The following TTLL5 variants were observed in gnomAD, a reference collection of about 807,000 sequenced individuals.
TTLL5 encodes the protein tubulin tyrosine ligase like 5, also known as tubulin polyglutamylase TTLL5.
TTLL5 carries 132 observed loss-of-function variants against 168.4 expected under a neutral mutation model. The ratio of observed to expected loss-of-function variants is 0.78; its 90% confidence interval spans 0.68 to 0.91. The LOEUF is 0.91. Among genes scored for constraint, TTLL5 ranks in the 40% least tolerant of loss-of-function variants. The pLI is 0.00. For synonymous variants in TTLL5, 546 were observed against 558.6 expected (o/e 0.98, Z 0.32); for missense variants, 1,545 against 1,581.5 (o/e 0.98, Z 0.39).
At chr14:75,771,613 T>G in intron 20 of TTLL5, 121 bp from the exon 21 acceptor site, 1 of 1,404,274 alleles carries the variant, frequency 7.1e-7, no homozygotes, top group South Asian at 1.4e-5. Flanking sequence ...TAAGATGGGT[T>G]TCATATTTCT....
intron 17 of TTLL5, among the ~76,000 whole-genome samples, chr14:75,745,837 T>A (rs994126436): frequency 6.6e-6 from 1 of 152,164 alleles, no homozygotes; most frequent in African/African-American, 2.4e-5. Flanking sequence ...GTCCTAAACT[T>A]TGTGTTTATC....
chr14:75,715,819 T>G (rs1445826878), intron 9 of TTLL5, among the ~76,000 whole-genome samples: 1 of 152,020 alleles, frequency 6.6e-6, no homozygotes, highest in Admixed American at 6.6e-5. Flanking sequence ...TTTTTTTTTT[T>G]TAGATGTGCA....
intron 30 of TTLL5, among the ~76,000 whole-genome samples, chr14:75,890,673 C>T (rs904491422): frequency 6.6e-6 from 1 of 152,122 alleles, no homozygotes; most frequent in African/African-American, 2.4e-5. Context: ...TTTTAAAAAT[C>T]GTCTCCAAAA....
intron 31 of TTLL5, among the ~76,000 whole-genome samples, chr14:75,902,812 G>T (rs2032981186): frequency 1.3e-5 from 2 of 152,150 alleles, no homozygotes; most frequent in African/African-American, 2.4e-5. Context: ...TAATAAAAAT[G>T]AACTATTAAG....
intron 9 of TTLL5, among the ~76,000 whole-genome samples, chr14:75,713,364 C>A (rs1293769797): frequency 6.6e-6 from 1 of 152,186 alleles, no homozygotes; most frequent in Non-Finnish European, 1.5e-5. Context: ...AGCCTACAAG[C>A]AAGAAGCTGT....
chr14:75,758,759 A>G (rs1201186514), intron 18 of TTLL5, among the ~76,000 whole-genome samples: 1 of 152,188 alleles, frequency 6.6e-6, no homozygotes, highest in Non-Finnish European at 1.5e-5. Flanking sequence ...ATCTTCACAT[A>G]TTTGGGAATT....
At chr14:75,873,776 C>A (rs2031238461) in intron 29 of TTLL5, among the ~76,000 whole-genome samples, 1 of 151,960 alleles carries the variant, frequency 6.6e-6, no homozygotes, top group Non-Finnish European at 1.5e-5. Context: ...CATCAATGAA[C>A]ACGGATGTAC....
At chr14:75,936,753 C>T (rs547771415) in intron 31 of TTLL5, among the ~76,000 whole-genome samples, 1 of 152,184 alleles carries the variant, frequency 6.6e-6, no homozygotes, top group African/African-American at 2.4e-5. Context: ...TTTGCATCAA[C>T]TTTTGTGATC....
intron 28 of TTLL5, among the ~76,000 whole-genome samples, chr14:75,862,021 T>C (rs1378056299): frequency 6.6e-6 from 1 of 152,182 alleles, no homozygotes; most frequent in Non-Finnish European, 1.5e-5. Context: ...ATTCCCTAAT[T>C]CCATAGCCCT....
intron 6 of TTLL5, among the ~76,000 whole-genome samples, chr14:75,690,535 A>C (rs1003137827): frequency 6.6e-6 from 1 of 152,138 alleles, no homozygotes; most frequent in African/African-American, 2.4e-5. Flanking sequence ...GTAAGGGCAC[A>C]CTGGCATCAT....
intron 28 of TTLL5, among the ~76,000 whole-genome samples, chr14:75,834,635 A>G (rs758486405): frequency 5.9e-5 from 9 of 152,170 alleles, no homozygotes; most frequent in Non-Finnish European, 1.2e-4. Context: ...CCGGACTTCT[A>G]CCTGGGCAGT....
At chr14:75,817,199 C>T (rs998235780) in intron 27 of TTLL5, among the ~76,000 whole-genome samples, 9 of 151,488 alleles carry the variant, frequency 5.9e-5, no homozygotes, top group Admixed American at 3.3e-4. Flanking sequence ...AGGATGGTCT[C>T]GATGTCTTGA....
chr14:75,871,515 C>T (rs539763296), intron 29 of TTLL5, among the ~76,000 whole-genome samples: 2 of 151,852 alleles, frequency 1.3e-5, no homozygotes, highest in Non-Finnish European at 2.9e-5. Flanking sequence ...ATAAGGCATT[C>T]CAGCATTATT....
At chr14:75,935,851 C>G (rs2034418838) in intron 31 of TTLL5, among the ~76,000 whole-genome samples, 1 of 152,094 alleles carries the variant, frequency 6.6e-6, no homozygotes, top group Admixed American at 6.5e-5. Flanking sequence ...ACCCAAGAGT[C>G]TAGGGTAGAA....
chr14:75,810,823 T>C (rs1200202918), intron 27 of TTLL5, among the ~76,000 whole-genome samples: 4 of 152,208 alleles, frequency 2.6e-5, no homozygotes, highest in African/African-American at 9.7e-5. Flanking sequence ...AATATACACA[T>C]TGTGTGCACA....
At chr14:75,756,064 G>A (rs1324751530) in intron 18 of TTLL5, among the ~76,000 whole-genome samples, 2 of 132,322 alleles carry the variant, frequency 1.5e-5, no homozygotes, top group Middle Eastern at 5.6e-3. Context: ...AGTCATGATT[G>A]CAAATTACTG....
Position 75,775,607 on chromosome 14 carries a change from G to C in TTLL5, c.2260G>C (p.Asp754His), listed in dbSNP as rs1488865083. 4.3e-6 allele frequency: 7 copies of C among 1,614,002 alleles called. No individual in the cohort carries two copies. The highest frequency in any genetic ancestry group is 5.9e-6 in the Non-Finnish European group (7 of 1,179,998). ...RRRILAHQLGDFIIVYNKETE... is the reference protein window; with the variant it reads ...RRRILAHQLGHFIIVYNKETE... ...AAGAATCCTGGCCCACCAGCTGGGT[G>C]ACTTTATCATTGTATACAACAAGGT... is the stretch of plus-strand genomic sequence containing the variant. The change falls in exon 22 of 32, where the codon GAC becomes CAC. Residue 754 changes from aspartate to histidine, a missense_variant. Asp to His is a moderately conservative substitution (Grantham distance 81). Transcript: ENST00000298832.
chr14:75,923,841 A>G (rs1310507817), intron 31 of TTLL5, among the ~76,000 whole-genome samples: 2 of 152,156 alleles, frequency 1.3e-5, no homozygotes, highest in East Asian at 3.8e-4. Context: ...GTGGGAGTCT[A>G]AGTCTCTTTG....
At chr14:75,749,544 TG>T (rs1172793959) in intron 17 of TTLL5, among the ~76,000 whole-genome samples, 1 of 102,090 alleles carries the variant, frequency 9.8e-6, no homozygotes, top group Non-Finnish European at 2.2e-5. Context: ...GAGCCATGTA[TG>T]GGGAGTGCTG....
Sources: allele counts gnomAD v4.1 joint callset (sites outside exome capture counted in the v4.1 genomes callset), GRCh38; gene constraint gnomAD v4.1.1; transcripts MANE v1.5; gene names NCBI Gene and HGNC (gene_info 2026-07-23, HGNC 2026-07-21).